The following ST6GALNAC3 variants were observed in gnomAD, a reference collection of about 807,000 sequenced individuals.
ST6GALNAC3 encodes alpha-N-acetylgalactosaminide alpha-2,6-sialyltransferase 3.
ST6GALNAC3 carries 25 observed loss-of-function variants against 32.7 expected under a neutral mutation model. That is an observed-to-expected ratio of 0.76 (90% CI 0.56 to 1.07). The LOEUF is 1.07. Among genes scored for constraint, ST6GALNAC3 ranks in the 50% least tolerant of loss-of-function variants. The pLI is 0.00. For missense variants in ST6GALNAC3, 355 were observed against 382.4 expected (o/e 0.93, Z 0.60); for synonymous variants, 129 against 133.1 (o/e 0.97, Z 0.21).
At chr1:76,606,862 T>G (rs891810411) in intron 3 of ST6GALNAC3, among the ~76,000 whole-genome samples, 4 of 151,252 alleles carry the variant, frequency 2.6e-5, no homozygotes, top group South Asian at 2.1e-4. Flanking sequence ...GTGGGTTTTT[T>G]TTTTTTTTTT....
At chr1:76,195,359 C>T (rs1014130247) in intron 1 of ST6GALNAC3, among the ~76,000 whole-genome samples, 1 of 152,192 alleles carries the variant, frequency 6.6e-6, no homozygotes, top group Admixed American at 6.5e-5. Context: ...CTTGTGACAA[C>T]CACTGTATTT....
At chr1:76,265,522 A>G (rs944610983) in intron 1 of ST6GALNAC3, among the ~76,000 whole-genome samples, 2 of 152,144 alleles carry the variant, frequency 1.3e-5, no homozygotes, top group African/African-American at 4.8e-5. Flanking sequence ...GAAGCTTCGT[A>G]CCCACCAAAT....
intron 1 of ST6GALNAC3, among the ~76,000 whole-genome samples, chr1:76,145,495 T>C (rs1037572587): frequency 4.6e-5 from 7 of 152,210 alleles, no homozygotes; most frequent in African/African-American, 1.7e-4. Context: ...ACAAGGTTCC[T>C]GTATATCATG....
chr1:76,547,722 C>A (rs1266902906), intron 3 of ST6GALNAC3, among the ~76,000 whole-genome samples: 1 of 151,968 alleles, frequency 6.6e-6, no homozygotes, highest in African/African-American at 2.4e-5. Context: ...GGTGCGGTGG[C>A]AGGTGCCTGT....
chr1:76,431,765 G>T (rs894266235), intron 3 of ST6GALNAC3, among the ~76,000 whole-genome samples: 1 of 151,964 alleles, frequency 6.6e-6, no homozygotes, highest in African/African-American at 2.4e-5. Flanking sequence ...ACTGTCTCTC[G>T]CATTATTAAC....
chr1:76,634,685 ATTTTTTTTTTTTTTTTTTTT>A (rs755148916), downstream of ST6GALNAC3: 2 of 47,340 alleles, frequency 4.2e-5, no homozygotes, highest in Non-Finnish European at 7.8e-5. Flanking sequence ...GCGGTATGGG[ATTTTTTTTTTTTTTTTTTTT>A]TTTTTTTTTT....
At chr1:76,445,682 AC>A (rs1656920895) in intron 3 of ST6GALNAC3, among the ~76,000 whole-genome samples, 1 of 152,162 alleles carries the variant, frequency 6.6e-6, no homozygotes, top group Admixed American at 6.5e-5. Flanking sequence ...GTAGTATCTT[AC>A]TGTGCCAGTT....
At chr1:76,493,014 CAA>C (rs1226491534) in intron 3 of ST6GALNAC3, among the ~76,000 whole-genome samples, 1 of 151,720 alleles carries the variant, frequency 6.6e-6, no homozygotes, top group African/African-American at 2.4e-5. Flanking sequence ...GGACATGAAA[CAA>C]AGAGTTGACA....
At chr1:76,275,102 T>C (rs72675960) in intron 1 of ST6GALNAC3, among the ~76,000 whole-genome samples, 43,696 of 152,148 alleles carry the variant, frequency 0.29, 7,808 homozygotes, top group Non-Finnish European at 0.4. Context: ...CGGCTTTTGA[T>C]AGATGTTCCT....
At chr1:76,175,671 C>G (rs1652804620) in intron 1 of ST6GALNAC3, among the ~76,000 whole-genome samples, 1 of 152,050 alleles carries the variant, frequency 6.6e-6, no homozygotes, top group African/African-American at 2.4e-5. Flanking sequence ...AAATCAAATA[C>G]TTAAAAAATA....
chr1:76,400,041 C>A (rs1653285649), intron 2 of ST6GALNAC3, among the ~76,000 whole-genome samples: 1 of 151,622 alleles, frequency 6.6e-6, no homozygotes, highest in Admixed American at 6.6e-5. Context: ...TTTTCATGAC[C>A]TCAGTATAAT....
chr1:76,425,060 AAC>A (rs1202585639), intron 3 of ST6GALNAC3, among the ~76,000 whole-genome samples: 2 of 152,010 alleles, frequency 1.3e-5, no homozygotes, highest in East Asian at 3.9e-4. Context: ...CGATGAAAAT[AAC>A]AGTTTAATTT....
At chr1:76,165,905 A>T (rs966346504) in intron 1 of ST6GALNAC3, among the ~76,000 whole-genome samples, 3 of 152,044 alleles carry the variant, frequency 2.0e-5, no homozygotes, top group African/African-American at 7.3e-5. Context: ...TAAATGCTAG[A>T]TATTAGACCT....
At chr1:76,525,548 T>A (rs949721937) in intron 3 of ST6GALNAC3, among the ~76,000 whole-genome samples, 72 of 151,642 alleles carry the variant, frequency 4.7e-4, no homozygotes, top group Middle Eastern at 3.4e-3. Context: ...GCCCAGTTGT[T>A]TTGGCAGAAT....
chr1:76,086,911 T>C (rs1257482509), intron 1 of ST6GALNAC3, among the ~76,000 whole-genome samples: 1 of 152,166 alleles, frequency 6.6e-6, no homozygotes, highest in African/African-American at 2.4e-5. Context: ...GGTCATTCTT[T>C]CTCTCTTCCT....
chr1:76,626,173 C>T (rs760583289), intron 3 of ST6GALNAC3, among the ~76,000 whole-genome samples: 1 of 151,798 alleles, frequency 6.6e-6, no homozygotes, highest in Non-Finnish European at 1.5e-5. Context: ...TGTGCATCAA[C>T]AATATTGAGC....
chr1:76,576,525 T>C (rs1056446909), intron 3 of ST6GALNAC3, among the ~76,000 whole-genome samples: 1 of 152,020 alleles, frequency 6.6e-6, no homozygotes, highest in African/African-American at 2.4e-5. Context: ...GCCAGACACA[T>C]GCAGGTAATA....
intron 3 of ST6GALNAC3, among the ~76,000 whole-genome samples, chr1:76,599,931 T>G (rs1647196301): frequency 6.6e-6 from 1 of 152,124 alleles, no homozygotes; most frequent in Non-Finnish European, 1.5e-5. Flanking sequence ...ACTGACCTGG[T>G]GAGAAGAAAA....
At chr1:76,477,894 C>T (rs1363355500) in intron 3 of ST6GALNAC3, among the ~76,000 whole-genome samples, 1 of 152,192 alleles carries the variant, frequency 6.6e-6, no homozygotes, top group African/African-American at 2.4e-5. Context: ...CTCCAAGGAT[C>T]TTACTCTTTC....
Sources: allele counts gnomAD v4.1 joint callset (sites outside exome capture counted in the v4.1 genomes callset), GRCh38; gene constraint gnomAD v4.1.1; transcripts MANE v1.5; gene names NCBI Gene and HGNC (gene_info 2026-07-23, HGNC 2026-07-21).